AGXT2: variants seen among roughly 807,000 people sequenced by gnomAD.
The protein encoded by AGXT2 is alanine--glyoxylate aminotransferase 2.
In AGXT2, 61 loss-of-function variants were observed where a neutral mutation model predicts 62.5. The ratio of observed to expected loss-of-function variants is 0.98; its 90% CI spans 0.79 to 1.21. The LOEUF (loss-of-function observed/expected upper bound fraction) is 1.21, where lower values mean the gene tolerates loss of function less well. Among genes scored for constraint, AGXT2 ranks in the 50% most tolerant of loss-of-function variants. AGXT2 has a pLI of 0.00. For missense variants in AGXT2, 666 were observed against 641.5 expected, an observed-to-expected ratio of 1.04 and a Z score of -0.41; for synonymous variants, 243 against 218.7, an observed-to-expected ratio of 1.11 and a Z score of -0.98.
chr5:35,032,711 A>C, intron 7 of AGXT2, 21 bp downstream of exon 7: 1 of 1,586,132 alleles, frequency 6.3e-7, no homozygotes, highest in South Asian at 1.1e-5. Flanking sequence ...CTCCACTGGC[A>C]CCCCCCTTGC....
chr5:35,013,959 G>A (rs1042206641), intron 10 of AGXT2, 28 bp downstream of exon 10: 13 of 1,613,798 alleles, frequency 8.1e-6, no homozygotes, highest in Non-Finnish European at 1.1e-5. Flanking sequence ...AGGCCCAGAA[G>A]CAAACACAAA....
At chr5:35,025,912 T>C (rs1209708721) in intron 8 of AGXT2, 57 bp from the exon 9 acceptor site, 2 of 1,481,288 alleles carry the variant, frequency 1.4e-6, no homozygotes, top group Non-Finnish European at 9.4e-7. Context: ...TTTCAAAGTA[T>C]ATAAAAAAGT....
At chr5:35,033,358 G>A (rs1349991999) in intron 6 of AGXT2, 102 bp downstream of exon 6, 2 of 939,162 alleles carry the variant, frequency 2.1e-6, no homozygotes, top group Non-Finnish European at 3.4e-6. Flanking sequence ...ATTAATGACA[G>A]GCTTTATATT....
chr5:35,037,122 C>T, intron 3 of AGXT2, 57 bp from the exon 4 acceptor site: 1 of 1,611,298 alleles, frequency 6.2e-7, no homozygotes, highest in Non-Finnish European at 8.5e-7. Flanking sequence ...CTCCTGCACA[C>T]ACCCTGGTCA....
intron 9 of AGXT2, among the ~76,000 whole-genome samples, chr5:35,016,049 C>G (rs1241387629): frequency 1.3e-5 from 2 of 152,042 alleles, no homozygotes; most frequent in African/African-American, 2.4e-5. Flanking sequence ...TCCTGGGTTG[C>G]CTCCTTCCTA....
intron 1 of AGXT2, among the ~76,000 whole-genome samples, chr5:35,045,604 A>G (rs1768157541): frequency 6.6e-6 from 1 of 152,144 alleles, no homozygotes; most frequent in Admixed American, 6.6e-5. Context: ...CAATAAATGT[A>G]TGTTAGTGAG....
intron 7 of AGXT2, among the ~76,000 whole-genome samples, chr5:35,030,738 G>A (rs1230485027): frequency 6.6e-6 from 1 of 152,158 alleles, no homozygotes; most frequent in Non-Finnish European, 1.5e-5. Flanking sequence ...AGCAGGAAAA[G>A]AAGGAAATGA....
At chr5:35,022,709 A>T (rs1305860823) in intron 9 of AGXT2, among the ~76,000 whole-genome samples, 1 of 150,264 alleles carries the variant, frequency 6.7e-6, no homozygotes, top group African/African-American at 2.5e-5. Context: ...TGTACCCTAA[A>T]ACTTAAAGTA....
chr5:35,009,100 A>C lies in AGXT2; in HGVS notation c.1338+900T>G, dbSNP rs1766531022. Among the ~76,000 whole-genome samples, 4 of 152,256 alleles carry C rather than the reference A, an allele frequency of 2.6e-5. No individual in the cohort carries two copies. In the South Asian group the frequency reaches 8.3e-4, roughly 32 times the overall value. On this transcript the variant is annotated intron_variant, in intron 12 of 13. Coordinates refer to ENST00000231420, the MANE Select transcript of AGXT2 (RefSeq NM_031900.4). ...AATTGGGAGAACGGTGGAGTGTGAG[A>C]AACAAACAGTGATCTTGGGAGAAAT... is the stretch of plus-strand genomic sequence containing the variant.
In AGXT2 at chr5:35,002,777, G is replaced by GC. The variant is rs1554032853; in HGVS notation, c.1437+985_1437+986insG. ...CTATGGCGCTTTGTGATAGCAGGCT[G>GC]GGGGGGGGGACTAACACGGGAGGAA... On this transcript the variant is annotated intron_variant, in intron 13 of 13. Coordinates refer to ENST00000231420, the MANE Select transcript of AGXT2 (RefSeq NM_031900.4). Among the ~76,000 whole-genome samples the GC allele has an allele frequency of 1.1e-4, 8 of 75,324 alleles. No homozygotes were observed. The South Asian group carries it at 3.4e-3, about 32-fold the overall frequency. 49.4% of individuals were successfully genotyped at this position (75,324 alleles called of 152,430 possible). A position where few individuals can be genotyped will look rare whatever the true frequency, so the allele number is the denominator to read the frequency against.
intron 7 of AGXT2, among the ~76,000 whole-genome samples, chr5:35,028,622 A>T (rs638662): frequency 3.3e-4 from 15 of 46,056 alleles, no homozygotes; most frequent in South Asian, 5.9e-4. Context: ...AGAGAGAGAA[A>T]TTCTTCTACT....
At chr5:35,045,935 T>C (rs571661718) in intron 1 of AGXT2, among the ~76,000 whole-genome samples, 2 of 152,076 alleles carry the variant, frequency 1.3e-5, no homozygotes, top group Non-Finnish European at 2.9e-5. Flanking sequence ...GCCCGACTAA[T>C]TTTTTGTACT....
At chr5:35,013,563 C>T (rs1285430073) in intron 10 of AGXT2, among the ~76,000 whole-genome samples, 3 of 152,128 alleles carry the variant, frequency 2.0e-5, no homozygotes, top group Non-Finnish European at 4.4e-5. Flanking sequence ...AGGTCAAACA[C>T]CTGAGGTCAG....
intron 9 of AGXT2, 77 bp downstream of exon 9, chr5:35,025,686 A>C: frequency 6.8e-7 from 1 of 1,462,978 alleles, no homozygotes; most frequent in South Asian, 1.2e-5. Flanking sequence ...CCTGGAACAC[A>C]GAGGAAGTTT....
At chr5:35,035,443 T>C (rs772506366) in intron 4 of AGXT2, 127 bp from the exon 5 acceptor site, 2 of 772,430 alleles carry the variant, frequency 2.6e-6, no homozygotes, top group Admixed American at 1.9e-5. Flanking sequence ...CCAGCTCGGG[T>C]TACCCAGCAG....
At position 35,016,080 on chromosome 5, in the gene AGXT2, T is replaced by C. The variant is rs72732889; in HGVS notation, c.964-1961A>G. 1.9e-3 allele frequency among the ~76,000 whole-genome samples: 297 copies of C among 152,308 alleles called. 3 individuals are homozygous for C. The highest frequency in any genetic ancestry group is 3.3e-3 in the Non-Finnish European group (227 of 68,026). On this transcript the variant is annotated intron_variant, in intron 9 of 13. Transcript: ENST00000231420. The stretch of plus-strand genomic sequence containing the variant: ...TCCTACTAATGAGCCTCTGGGCAGC[T>C]GATTGATTTTTCCAAATGGGATAAT...
chr5:35,003,656 A>C, intron 13 of AGXT2, 107 bp downstream of exon 13: 1 of 1,117,106 alleles, frequency 9.0e-7, no homozygotes, highest in Non-Finnish European at 1.4e-6. Context: ...TAAAAACTGC[A>C]ACCAGCATTA....
chr5:35,017,847 T>G (rs774985983), intron 9 of AGXT2, among the ~76,000 whole-genome samples: 1 of 151,888 alleles, frequency 6.6e-6, no homozygotes, highest in African/African-American at 2.4e-5. Flanking sequence ...AGAATGTATA[T>G]CTAGAATAAC....
intron 9 of AGXT2, among the ~76,000 whole-genome samples, chr5:35,014,608 A>G (rs74824388): frequency 0.012 from 1,878 of 152,260 alleles, 10 homozygotes; most frequent in South Asian, 0.035. Flanking sequence ...GCTATTAGGC[A>G]TCAAGAGTCA....
Sources: allele counts gnomAD v4.1 joint callset (sites outside exome capture counted in the v4.1 genomes callset), GRCh38; gene constraint gnomAD v4.1.1; transcripts MANE v1.5; gene names NCBI Gene and HGNC (gene_info 2026-07-23, HGNC 2026-07-21).